The following ZNF570 variants were observed in gnomAD, a reference collection of about 807,000 sequenced individuals.
ZNF570 encodes zinc finger protein 570.
A neutral mutation model predicts 14.2 loss-of-function variants in ZNF570; 8 were observed. The ratio of observed to expected loss-of-function variants is 0.56; its 90% confidence interval spans 0.33 to 1.02. ZNF570 has a LOEUF of 1.02. Among genes scored for constraint, ZNF570 ranks in the 50% least tolerant of loss-of-function variants. ZNF570 has a pLI of 0.03. For missense variants in ZNF570, 559 were observed against 624.9 expected, an observed-to-expected ratio of 0.89 and a Z score of 1.12; for synonymous variants, 202 against 207.6, an observed-to-expected ratio of 0.97 and a Z score of 0.23.
At chr19:37,469,601 C>G in intron 1 of ZNF570, 44 bp downstream of exon 1, 1 of 1,521,488 alleles carries the variant, frequency 6.6e-7, no homozygotes, top group Non-Finnish European at 8.8e-7. Flanking sequence ...TGTGCCTGTC[C>G]ACGTCCTGTG....
rs114251803 is a variant in ZNF570, at chr19:37,469,376, G to C, written c.-233G>C. The C allele has an allele frequency of 7.9e-4, 1,146 of 1,451,964 alleles. 8 individuals carry two copies. In the African/African-American group the frequency reaches 0.015, roughly 18 times the overall value. The allele number at this position is 1,451,964 out of a possible 1,614,324, so 89.9% of individuals were successfully genotyped here. ...GAGGCGCTTCTTTCCGGGCCCGTAA[G>C]GGCTGGGTTCCATCCAACTAAGGGT... is the stretch of plus-strand genomic sequence containing the variant. On this transcript the variant is annotated 5_prime_UTR_variant, in exon 1 of 5. Coordinates refer to ENST00000330173, the MANE Select transcript of ZNF570 (RefSeq NM_144694.5).
In ZNF570 at chr19:37,484,408, T is replaced by G. The variant is rs1450463703; in HGVS notation, c.786T>G (p.Val262=). ...CCTTCAGCCAGAGATCAAATCTTGT[T>G]CAACATCAGAGGATTCATACTGGAG... ...GKAFSQRSNL[V]QHQRIHTGEK... Residue 262 remains valine, a synonymous_variant, in exon 5 of 5, where the codon GTT becomes GTG. Transcript: ENST00000330173. 1 of 1,614,158 alleles carries G rather than the reference T, an allele frequency of 6.2e-7. No individual in the cohort carries two copies. The highest frequency in any genetic ancestry group is 8.5e-7 in the Non-Finnish European group (1 of 1,180,018).
chr19:37,479,270 T>A (rs893773225), intron 4 of ZNF570, among the ~76,000 whole-genome samples: 1 of 152,120 alleles, frequency 6.6e-6, no homozygotes, highest in African/African-American at 2.4e-5. Flanking sequence ...TGGTTCTCAA[T>A]GATTTCTTGA....
chr19:37,476,802 C>T (rs985937093), intron 4 of ZNF570, among the ~76,000 whole-genome samples: 8 of 150,708 alleles, frequency 5.3e-5, no homozygotes, highest in Non-Finnish European at 8.9e-5. Flanking sequence ...CTCCGCCTCC[C>T]GGGTTCAAGC....
intron 2 of ZNF570, among the ~76,000 whole-genome samples, chr19:37,471,914 A>AT (rs34142052): frequency 0.21 from 28,547 of 133,466 alleles, 3,275 homozygotes; most frequent in South Asian, 0.33. Flanking sequence ...TCAGACTACT[A>AT]TTTTTTTTTT....
Position 37,470,462 on chromosome 19 carries a change from C to G in ZNF570, c.33+75C>G, listed in dbSNP as rs141197037. 5.6e-6 allele frequency: 8 copies of G among 1,427,510 alleles called. No homozygotes were observed. The African/African-American group carries it at 1.1e-4, about 20-fold the overall frequency. 88.4% of individuals were successfully genotyped at this position (1,427,510 alleles called of 1,614,324 possible). On this transcript the variant is annotated intron_variant, in intron 2 of 4. Coordinates refer to ENST00000330173, the MANE Select transcript of ZNF570 (RefSeq NM_144694.5). ...CAAGCAGGTACTAATTTTCCTTCTG[C>G]TGAAACGTTTCTGGGTAACCAGTCA...
In ZNF570 at chr19:37,484,454, G is replaced by A. The variant is rs1302599152; in HGVS notation, c.832G>A (p.Glu278Lys). The A allele has an allele frequency of 1.9e-6, 3 of 1,614,066 alleles. No individual in the cohort carries two copies. The highest frequency in any genetic ancestry group is 2.2e-5 in the East Asian group (1 of 44,884). Residue 278 changes from glutamate (E) to lysine (K), a missense_variant, in exon 5 of 5, where the codon GAA becomes AAA. Coordinates refer to ENST00000330173, the MANE Select transcript of ZNF570 (RefSeq NM_144694.5). ...HTGEKPYECK[E>K]CRKAFSQNAH... ...TGGAGAAAAACCCTATGAATGTAAG[G>A]AATGTAGGAAAGCCTTCAGTCAGAA...
At chr19:37,477,981 A>G (rs2042046282) in intron 4 of ZNF570, among the ~76,000 whole-genome samples, 1 of 152,182 alleles carries the variant, frequency 6.6e-6, no homozygotes, top group East Asian at 1.9e-4. Flanking sequence ...CTTAATAAAA[A>G]TAGTTTATTA....
upstream of ZNF570, among the ~76,000 whole-genome samples, chr19:37,468,238 A>G (rs76135839): frequency 0.038 from 5,730 of 151,030 alleles, 150 homozygotes; most frequent in Non-Finnish European, 0.053. Context: ...ATCAAGGGAC[A>G]CTCCGCCCGG....
chr19:37,485,265 A>G lies in ZNF570; in HGVS notation c.*32A>G. ...AGTCCTAAATGTTTCTAGAATTTATACTGTTTTTTATCTTTAATGTTGTCA... is the reference window on the plus strand; with the variant it reads ...AGTCCTAAATGTTTCTAGAATTTATGCTGTTTTTTATCTTTAATGTTGTCA... On this transcript the variant is annotated 3_prime_UTR_variant, in exon 5 of 5. Coordinates refer to ENST00000330173, the MANE Select transcript of ZNF570 (RefSeq NM_144694.5). The G allele has an allele frequency of 6.6e-7, 1 of 1,508,332 alleles. No homozygotes were observed. The allele number at this position is 1,508,332 out of a possible 1,614,324, so 93.4% of individuals were successfully genotyped here. A position where few individuals can be genotyped will look rare whatever the true frequency, so the allele number is the denominator to read the frequency against.
upstream of ZNF570, chr19:37,469,205 CGT>C (rs2041908406): frequency 7.8e-7 from 1 of 1,283,018 alleles, no homozygotes; most frequent in East Asian, 3.5e-5. Context: ...GGGAGGAGGC[CGT>C]GTTACAAACC....
Position 37,485,436 on chromosome 19 carries a change from C to A in ZNF570, c.*203C>A. 1 of 524,992 alleles carries A rather than the reference C, an allele frequency of 1.9e-6. No homozygotes were observed. Among genetic ancestry groups the A allele is most frequent in the Non-Finnish European group, 3.1e-6 (1 of 317,788 alleles). 32.5% of individuals were successfully genotyped at this position (524,992 alleles called of 1,614,324 possible). ...TTTTTTTTTCTTTTTGAGACAATGT[C>A]TTGCTGTGTTGCCCAGGCTGGAGTA... On this transcript the variant is annotated 3_prime_UTR_variant, in exon 5 of 5. Transcript: ENST00000330173.
At chr19:37,469,270 T>A (rs2041910445), upstream of ZNF570, 1 of 1,406,048 alleles carries the variant, frequency 7.1e-7, no homozygotes, top group Admixed American at 3.0e-5. Context: ...CGACCTTTTC[T>A]ACTCCGGACT....
At chr19:37,477,485 A>G in intron 4 of ZNF570, among the ~76,000 whole-genome samples, 1 of 151,264 alleles carries the variant, frequency 6.6e-6, no homozygotes, top group African/African-American at 2.4e-5. Context: ...AACTACAGGC[A>G]CCCACCACCA....
In ZNF570 at chr19:37,485,264, T is replaced by C. The variant is rs1308681068; in HGVS notation, c.*31T>C. ...GAGTCCTAAATGTTTCTAGAATTTATACTGTTTTTTATCTTTAATGTTGTC... is the reference window on the plus strand; with the variant it reads ...GAGTCCTAAATGTTTCTAGAATTTACACTGTTTTTTATCTTTAATGTTGTC... On this transcript the variant is annotated 3_prime_UTR_variant, in exon 5 of 5. Transcript: ENST00000330173. The C allele has an allele frequency of 9.3e-6, 14 of 1,508,918 alleles. No homozygotes were observed. The highest frequency in any genetic ancestry group is 1.2e-5 in the Non-Finnish European group (14 of 1,130,350). The allele number at this position is 1,508,918 out of a possible 1,614,324, so 93.5% of individuals were successfully genotyped here. A position where few individuals can be genotyped will look rare whatever the true frequency, so the allele number is the denominator to read the frequency against.
At position 37,484,554 on chromosome 19, in the gene ZNF570, T is replaced by C; in HGVS notation, c.932T>C (p.Phe311Ser). ...GAATGTAAGGTATGTCGAAAAGCCT[T>C]CAGCCAGTTTGCCTACCTTGCTCAA... ...PYECKVCRKAFSQFAYLAQHQ... is the reference protein window; with the variant it reads ...PYECKVCRKASSQFAYLAQHQ... The change falls in exon 5 of 5, where the codon TTC (phenylalanine) becomes TCC (serine). Residue 311 changes from phenylalanine (F) to serine (S), a missense_variant. Phe to Ser is a radical substitution (Grantham distance 155). Transcript: ENST00000330173. The C allele has an allele frequency of 6.2e-7, 1 of 1,614,162 alleles. No individual in the cohort carries two copies. Among genetic ancestry groups the C allele is most frequent in the South Asian group, 1.1e-5 (1 of 91,084 alleles).
upstream of ZNF570, chr19:37,469,147 C>A (rs2041906701): frequency 8.9e-7 from 1 of 1,126,698 alleles, no homozygotes; most frequent in African/African-American, 1.6e-5. Flanking sequence ...TCCGGACTTT[C>A]GGGCTCTCTG....
At chr19:37,474,524 A>T (rs1448234143) in intron 2 of ZNF570, among the ~76,000 whole-genome samples, 1 of 152,092 alleles carries the variant, frequency 6.6e-6, no homozygotes, top group African/African-American at 2.4e-5. Flanking sequence ...CAGTGGCCCA[A>T]TCTCAGCTCA....
At chr19:37,481,157 A>ATT (rs750442610) in intron 4 of ZNF570, among the ~76,000 whole-genome samples, 3 of 144,628 alleles carry the variant, frequency 2.1e-5, no homozygotes, top group Admixed American at 7.0e-5. Flanking sequence ...AGATTGACAG[A>ATT]TTTTTTTTTT....
Sources: gnomAD v4.1 joint callset for allele counts (sites outside exome capture counted in the v4.1 genomes callset) on GRCh38, gnomAD v4.1.1 for gene constraint, MANE v1.5 for transcripts, NCBI Gene and HGNC (gene_info 2026-07-23, HGNC 2026-07-21) for gene names.